The following DLG2 variants were observed in gnomAD, a reference collection of about 807,000 sequenced individuals.
The protein encoded by DLG2 is discs large MAGUK scaffold protein 2.
In DLG2, 45 loss-of-function variants were observed where a neutral mutation model predicts 132.5. The observed-to-expected ratio is 0.34, with a 90% confidence interval of 0.27 to 0.44. The LOEUF is 0.44. Ranked by LOEUF, DLG2 falls within the 20% of genes least tolerant of loss-of-function variation. The probability of loss-of-function intolerance (pLI) is 1.00; values close to 1 mark genes in which losing one functional copy is unlikely to be tolerated. For synonymous variants in DLG2, 424 were observed against 419.6 expected (o/e 1.01, Z -0.13); for missense variants, 1,045 against 1,196.9 (o/e 0.87, Z 1.87).
chr11:83,725,200 G>A, intron 18 of DLG2: 1 of 332,518 alleles, frequency 3.0e-6, no homozygotes, highest in Non-Finnish European at 5.6e-6. Flanking sequence ...AGTTAAAAAG[G>A]CTTAGTCCTG....
At chr11:83,677,759 G>A (rs2078009027) in intron 18 of DLG2, among the ~76,000 whole-genome samples, 1 of 152,188 alleles carries the variant, frequency 6.6e-6, no homozygotes. Context: ...ACTCCTGGCT[G>A]TTAATTCTCC....
At chr11:84,241,268 C>T (rs887582652) in intron 8 of DLG2, among the ~76,000 whole-genome samples, 3 of 152,086 alleles carry the variant, frequency 2.0e-5, no homozygotes, top group Non-Finnish European at 4.4e-5. Flanking sequence ...AAAGATAAAG[C>T]AATATTTTCT....
intron 6 of DLG2, among the ~76,000 whole-genome samples, chr11:84,946,005 ATGGCAAG>A (rs942899520): frequency 2.0e-5 from 3 of 151,932 alleles, no homozygotes; most frequent in African/African-American, 7.3e-5. Flanking sequence ...ACTCAGGCCC[ATGGCAAG>A]TACTGTCTGG....
At chr11:84,028,540 C>T (rs554580467) in intron 11 of DLG2, among the ~76,000 whole-genome samples, 27 of 152,200 alleles carry the variant, frequency 1.8e-4, no homozygotes, top group African/African-American at 6.0e-4. Flanking sequence ...GAGAACTCAA[C>T]AGATGCAAAC....
At chr11:85,370,265 G>A (rs1361766275) in intron 3 of DLG2, among the ~76,000 whole-genome samples, 1 of 152,216 alleles carries the variant, frequency 6.6e-6, no homozygotes, top group African/African-American at 2.4e-5. Flanking sequence ...CATGAAAGGT[G>A]TATAAGAACA....
rs954568007 is a variant in DLG2, at chr11:84,836,918, G to A, written c.357+274743C>T. Among the ~76,000 whole-genome samples, 3 of 151,766 alleles carry A rather than the reference G, an allele frequency of 2.0e-5. No homozygotes were observed. The South Asian group carries it at 6.2e-4, about 31-fold the overall frequency. On this transcript the variant is annotated intron_variant, in intron 6 of 27. Coordinates refer to ENST00000376104, the MANE Select transcript of DLG2 (RefSeq NM_001142699.3). ...GTACATGTGCACAACGTGCAGGTTT[G>A]TTACAGATGTATACATGTGCCATGT... is the stretch of plus-strand genomic sequence containing the variant.
intron 4 of DLG2, among the ~76,000 whole-genome samples, chr11:85,155,614 A>G (rs2152461154): frequency 6.6e-6 from 1 of 152,276 alleles, no homozygotes; most frequent in Admixed American, 6.5e-5. Context: ...TCACACCTGT[A>G]ATCTCAGTAC....
At position 85,369,653 on chromosome 11, in the gene DLG2, T is replaced by C. The variant is rs534533407; in HGVS notation, c.41-84288A>G. Reference sequence around the variant, plus strand: ...CAAGCCTCCATCTTGCTTTACATCCTGGGGGCATAGCTGGTAAGTGCTTGG... The same window carrying C: ...CAAGCCTCCATCTTGCTTTACATCCCGGGGGCATAGCTGGTAAGTGCTTGG... On this transcript the variant is annotated intron_variant, in intron 3 of 27. Transcript: ENST00000376104. 5.3e-5 allele frequency among the ~76,000 whole-genome samples: 8 copies of C among 152,240 alleles called. No homozygotes were observed. In the South Asian group the frequency reaches 1.5e-3, roughly 28 times the overall value.
chr11:83,680,000 G>A (rs1003164097), intron 18 of DLG2, among the ~76,000 whole-genome samples: 1 of 152,064 alleles, frequency 6.6e-6, no homozygotes. Flanking sequence ...TGCCTCTTTC[G>A]CTTTTAATCC....
At chr11:83,606,314 A>T (rs2059326550) in intron 19 of DLG2, among the ~76,000 whole-genome samples, 1 of 152,210 alleles carries the variant, frequency 6.6e-6, no homozygotes, top group Non-Finnish European at 1.5e-5. Flanking sequence ...AAAACACAAC[A>T]TAATGAACAA....
chr11:83,943,568 G>A (rs1479507940), intron 14 of DLG2, among the ~76,000 whole-genome samples: 1 of 152,134 alleles, frequency 6.6e-6, no homozygotes, highest in East Asian at 1.9e-4. Context: ...ATTTAAATTT[G>A]TCAATCTCAA....
intron 6 of DLG2, among the ~76,000 whole-genome samples, chr11:84,941,949 G>A (rs1039548085): frequency 2.6e-5 from 4 of 151,776 alleles, no homozygotes; most frequent in African/African-American, 9.7e-5. Flanking sequence ...CAGGTTTTAG[G>A]GTTTTAGATT....
chr11:85,357,534 T>G (rs1469758090), intron 3 of DLG2, among the ~76,000 whole-genome samples: 1 of 142,896 alleles, frequency 7.0e-6, no homozygotes, highest in Non-Finnish European at 1.5e-5. Flanking sequence ...TTTTTATTCT[T>G]ATCTATGACT....
At chr11:84,568,347 A>G (rs2099466082) in intron 6 of DLG2, among the ~76,000 whole-genome samples, 3 of 152,092 alleles carry the variant, frequency 2.0e-5, no homozygotes, top group Admixed American at 2.0e-4. Context: ...CGTCTCTACT[A>G]AAAATACAAA....
chr11:85,463,934 GAATTT>G (rs1161425000), intron 3 of DLG2, among the ~76,000 whole-genome samples: 1 of 148,934 alleles, frequency 6.7e-6, no homozygotes, highest in Non-Finnish European at 1.5e-5. Context: ...ACTATACTAT[GAATTT>G]AATATACTGT....
intron 11 of DLG2, among the ~76,000 whole-genome samples, chr11:83,985,142 T>G (rs2093156895): frequency 6.6e-6 from 1 of 151,646 alleles, no homozygotes; most frequent in African/African-American, 2.4e-5. Context: ...ATTACCTGGG[T>G]TTTTCTTGCA....
At chr11:85,167,704 G>T (rs979520381) in intron 4 of DLG2, among the ~76,000 whole-genome samples, 6 of 151,936 alleles carry the variant, frequency 3.9e-5, no homozygotes, top group Admixed American at 1.3e-4. Flanking sequence ...AAATACACAG[G>T]TTTCCCTTTT....
intron 18 of DLG2, among the ~76,000 whole-genome samples, chr11:83,691,415 C>G (rs970065230): frequency 4.6e-5 from 7 of 152,186 alleles, no homozygotes; most frequent in African/African-American, 1.7e-4. Flanking sequence ...GTACAATTCA[C>G]TCATTCACAA....
At chr11:85,626,344 C>G (rs552004824) in intron 2 of DLG2, among the ~76,000 whole-genome samples, 5 of 152,178 alleles carry the variant, frequency 3.3e-5, no homozygotes, top group Non-Finnish European at 7.4e-5. Flanking sequence ...GGTACTGAAT[C>G]TATTCTTATT....
Sources: gnomAD v4.1 joint callset for allele counts (sites outside exome capture counted in the v4.1 genomes callset) on GRCh38, gnomAD v4.1.1 for gene constraint, MANE v1.5 for transcripts, NCBI Gene and HGNC (gene_info 2026-07-23, HGNC 2026-07-21) for gene names.